The following CTBP2 variants were observed in gnomAD, a reference collection of about 807,000 sequenced individuals.
CTBP2 encodes the protein C-terminal-binding protein 2.
Under a neutral mutation model 80.3 loss-of-function variants are expected in CTBP2, and 30 were observed. The observed-to-expected ratio is 0.37, with a 90% CI of 0.28 to 0.51. The LOEUF (loss-of-function observed/expected upper bound fraction) is 0.51. Ranked by LOEUF, CTBP2 falls within the 20% of genes least tolerant of loss-of-function variation. The pLI, the probability that CTBP2 is intolerant of heterozygous loss-of-function variation, is 0.93. For synonymous variants in CTBP2, 594 were observed against 587.4 expected (o/e 1.01, Z -0.16); for missense variants, 1,212 against 1,375.3 (o/e 0.88, Z 1.88).
chr10:125,130,412 C>T (rs1022851914), intron 1 of CTBP2, among the ~76,000 whole-genome samples: 3 of 152,092 alleles, frequency 2.0e-5, no homozygotes, highest in Non-Finnish European at 2.9e-5. Context: ...CCCTTGGCCA[C>T]GGTTCCCCAA....
intron 2 of CTBP2, among the ~76,000 whole-genome samples, chr10:125,043,421 ATTTCT>A (rs1246721222): frequency 6.6e-6 from 1 of 152,042 alleles, no homozygotes; most frequent in Non-Finnish European, 1.5e-5. Flanking sequence ...GACCCTCTCG[ATTTCT>A]TTTCTTTTTC....
chr10:125,126,812 TAC>T (rs1855340770), intron 1 of CTBP2, among the ~76,000 whole-genome samples: 1 of 152,158 alleles, frequency 6.6e-6, no homozygotes, highest in Non-Finnish European at 1.5e-5. Flanking sequence ...ATCTTCCACA[TAC>T]ACACACATCC....
intron 2 of CTBP2, among the ~76,000 whole-genome samples, chr10:125,063,993 G>A (rs1200577349): frequency 1.3e-5 from 2 of 152,034 alleles, no homozygotes; most frequent in South Asian, 2.1e-4. Context: ...AACTTTAGAG[G>A]CCATCGTAAT....
upstream of CTBP2, chr10:125,160,753 C>A (rs1012027783): frequency 3.1e-5 from 4 of 128,532 alleles, no homozygotes; most frequent in African/African-American, 1.2e-4. Flanking sequence ...CGTCCCGGCC[C>A]CGCGCCCTCC....
chr10:125,153,620 G>A (rs1358975838), intron 1 of CTBP2, among the ~76,000 whole-genome samples: 3 of 152,132 alleles, frequency 2.0e-5, no homozygotes, highest in Admixed American at 1.3e-4. Flanking sequence ...ACACACCTGC[G>A]GCAGGTACAA....
At chr10:125,099,965 A>C (rs1218914159) in intron 2 of CTBP2, among the ~76,000 whole-genome samples, 1 of 152,216 alleles carries the variant, frequency 6.6e-6, no homozygotes, top group Non-Finnish European at 1.5e-5. Flanking sequence ...AAACAGCCTT[A>C]AATTTGACAC....
intron 2 of CTBP2, among the ~76,000 whole-genome samples, chr10:125,081,407 G>T (rs12770388): frequency 0.064 from 9,731 of 152,206 alleles, 323 homozygotes; most frequent in East Asian, 0.097. Flanking sequence ...CTTGATACTT[G>T]TCTTATGTGA....
chr10:124,995,871 G>A (rs1953420037), intron 4 of CTBP2, among the ~76,000 whole-genome samples: 1 of 151,980 alleles, frequency 6.6e-6, no homozygotes, highest in African/African-American at 2.4e-5. Context: ...ACACTTCACA[G>A]GACCCCCGCC....
chr10:125,088,577 C>T (rs1416757320), intron 2 of CTBP2, among the ~76,000 whole-genome samples: 2 of 152,114 alleles, frequency 1.3e-5, no homozygotes, highest in Non-Finnish European at 2.9e-5. Context: ...GAAATCACCC[C>T]GGATAACCTC....
At chr10:125,099,834 A>T (rs780403441) in intron 2 of CTBP2, among the ~76,000 whole-genome samples, 2 of 152,204 alleles carry the variant, frequency 1.3e-5, no homozygotes, top group Admixed American at 6.5e-5. Flanking sequence ...GTGATAGATA[A>T]GACCAGGTCT....
chr10:125,008,351 G>A (rs1955493861), intron 1 of CTBP2, among the ~76,000 whole-genome samples: 1 of 152,174 alleles, frequency 6.6e-6, no homozygotes, highest in Non-Finnish European at 1.5e-5. Context: ...TTCCTGACAG[G>A]GGCTACGGCT....
intron 3 of CTBP2, among the ~76,000 whole-genome samples, chr10:125,001,804 C>A (rs539489247): frequency 6.6e-6 from 1 of 152,316 alleles, no homozygotes; most frequent in South Asian, 2.1e-4. Flanking sequence ...TGGGTGCTGC[C>A]CCGACTGGCC....
intron 2 of CTBP2, among the ~76,000 whole-genome samples, chr10:125,039,981 G>A (rs1959212138): frequency 6.6e-6 from 1 of 152,192 alleles, no homozygotes; most frequent in African/African-American, 2.4e-5. Flanking sequence ...AGACCTGACT[G>A]CGGCCTGGGG....
chr10:125,147,165 C>G (rs2133349343), intron 1 of CTBP2, among the ~76,000 whole-genome samples: 1 of 152,310 alleles, frequency 6.6e-6, no homozygotes, highest in Admixed American at 6.5e-5. Flanking sequence ...AGACACAGTT[C>G]CTTTTCCTCA....
chr10:125,159,959 T>G (rs1455647848), intron 1 of CTBP2: 1 of 89,650 alleles, frequency 1.1e-5, no homozygotes, highest in Admixed American at 1.2e-4. Context: ...TCGGGGTTTC[T>G]TTTTTTTTTT....
At chr10:125,030,128 A>G (rs564539692), upstream of CTBP2, among the ~76,000 whole-genome samples, 1 of 128,032 alleles carries the variant, frequency 7.8e-6, no homozygotes, top group African/African-American at 2.9e-5. Flanking sequence ...TTTTCCAAAC[A>G]CTCTGGTTAC....
intron 2 of CTBP2, among the ~76,000 whole-genome samples, chr10:125,056,189 A>AATG (rs1211149450): frequency 1.9e-4 from 28 of 148,754 alleles, no homozygotes; most frequent in Admixed American, 1.8e-3. Flanking sequence ...TAATAATAAT[A>AATG]ATAATAGTAA....
chr10:125,120,454 T>C (rs1418765056), intron 1 of CTBP2, among the ~76,000 whole-genome samples: 1 of 152,088 alleles, frequency 6.6e-6, no homozygotes, highest in Non-Finnish European at 1.5e-5. Context: ...TGGTGCAATC[T>C]CGGCTTACTG....
Position 125,089,040 on chromosome 10 carries a change from C to T in CTBP2, c.-102+21950G>A, listed in dbSNP as rs139399686. 3.3e-3 allele frequency among the ~76,000 whole-genome samples: 508 copies of T among 152,300 alleles called. 5 individuals are homozygous for T. Among genetic ancestry groups the T allele is most frequent in the Non-Finnish European group, 5.6e-3 (380 of 68,026 alleles). ...AGATATAAAATCAGTATCAGAGACACAAAAGCCATGTTCTAATTTCTTTAA... is the reference window on the plus strand; with the variant it reads ...AGATATAAAATCAGTATCAGAGACATAAAAGCCATGTTCTAATTTCTTTAA... On this transcript the variant is annotated intron_variant, in intron 2 of 10. Coordinates refer to the CTBP2 transcript ENST00000337195.
Sources: gnomAD v4.1 joint callset for allele counts (sites outside exome capture counted in the v4.1 genomes callset) on GRCh38, gnomAD v4.1.1 for gene constraint, MANE v1.5 for transcripts, NCBI Gene and HGNC (gene_info 2026-07-23, HGNC 2026-07-21) for gene names.